Variants in MCTP1 observed in about 807,000 individuals in gnomAD.
MCTP1 encodes multiple C2 and transmembrane domain containing 1, also known as multiple C2 and transmembrane domain-containing protein 1.
A neutral mutation model predicts 120.6 loss-of-function variants in MCTP1; 69 were observed. The observed-to-expected ratio is 0.57, with a 90% CI of 0.47 to 0.70. The LOEUF (loss-of-function observed/expected upper bound fraction) is 0.70, where lower values mean the gene tolerates loss of function less well. Ranked by LOEUF, MCTP1 falls within the 30% of genes least tolerant of loss-of-function variation. The pLI is 0.00. For synonymous variants in MCTP1, 529 were observed against 493.1 expected (o/e 1.07, Z -0.96); for missense variants, 1,203 against 1,248.8 (o/e 0.96, Z 0.55).
chr5:94,808,254 A>G (rs2153054395), intron 17 of MCTP1, among the ~76,000 whole-genome samples: 1 of 152,170 alleles, frequency 6.6e-6, no homozygotes, highest in East Asian at 1.9e-4. Context: ...TTTTTGTACC[A>G]CCTCCATTCA....
Position 94,894,835 on chromosome 5 carries a change from C to T in MCTP1, c.1653G>A (p.Arg551=). Reference sequence around the variant, plus strand: ...TGAGGGCTGACAGGTCGACCTGGCACCTAGAGACAAATGTTTTGAATCAGC... The same window carrying T: ...TGAGGGCTGACAGGTCGACCTGGCATCTAGAGACAAATGTTTTGAATCAGC... The part of the protein sequence containing the change: ...DAGKRDDFIG[R]CQVDLSALSR... Residue 551 remains arginine, a splice_region_variant and synonymous_variant, in exon 11 of 23, where the codon AGG becomes AGA. Transcript: ENST00000515393. 1 of 1,540,902 alleles carries T rather than the reference C, an allele frequency of 6.5e-7. No homozygotes were observed. Among genetic ancestry groups the T allele is most frequent in the South Asian group, 1.2e-5 (1 of 81,466 alleles).
At chr5:95,272,558 T>G (rs979954493) in intron 1 of MCTP1, among the ~76,000 whole-genome samples, 3 of 152,216 alleles carry the variant, frequency 2.0e-5, no homozygotes, top group Non-Finnish European at 4.4e-5. Context: ...TCCTGGCAAA[T>G]GCTCAGCAGG....
At chr5:95,127,214 G>T (rs1188785952) in intron 1 of MCTP1, among the ~76,000 whole-genome samples, 1 of 151,490 alleles carries the variant, frequency 6.6e-6, no homozygotes, top group Non-Finnish European at 1.5e-5. Flanking sequence ...CTAAAAAGTG[G>T]TTTTTCCCAT....
intron 7 of MCTP1, among the ~76,000 whole-genome samples, chr5:94,919,196 C>T (rs1470001610): frequency 6.6e-6 from 1 of 152,086 alleles, no homozygotes; most frequent in African/African-American, 2.4e-5. Flanking sequence ...TCACTTTACT[C>T]TATAATAAAT....
At chr5:95,026,274 C>T (rs1273880593) in intron 1 of MCTP1, among the ~76,000 whole-genome samples, 1 of 152,102 alleles carries the variant, frequency 6.6e-6, no homozygotes, top group Admixed American at 6.6e-5. Flanking sequence ...TCACCTCAAG[C>T]ATTTACCCTT....
intron 12 of MCTP1, among the ~76,000 whole-genome samples, chr5:94,875,946 C>T (rs143317238): frequency 6.6e-6 from 1 of 152,172 alleles, no homozygotes; most frequent in Non-Finnish European, 1.5e-5. Context: ...GGTCTTTCCA[C>T]ACTATGTTAT....
intron 1 of MCTP1, among the ~76,000 whole-genome samples, chr5:95,256,455 A>G (rs1287179380): frequency 6.6e-6 from 1 of 152,136 alleles, no homozygotes; most frequent in African/African-American, 2.4e-5. Flanking sequence ...GCTGGAAGGG[A>G]AAAGTCAGAG....
chr5:94,815,821 G>T (rs1345849282), intron 17 of MCTP1, among the ~76,000 whole-genome samples: 1 of 152,148 alleles, frequency 6.6e-6, no homozygotes, highest in East Asian at 1.9e-4. Flanking sequence ...TGGTCTCATT[G>T]TCAATTAGAG....
intron 1 of MCTP1, among the ~76,000 whole-genome samples, chr5:95,057,791 TC>T (rs1177161195): frequency 6.6e-6 from 1 of 152,126 alleles, no homozygotes; most frequent in Non-Finnish European, 1.5e-5. Context: ...TTCATGTATT[TC>T]CTCTTTTCAA....
intron 18 of MCTP1, among the ~76,000 whole-genome samples, chr5:94,795,861 G>A (rs1342170040): frequency 1.3e-5 from 2 of 152,152 alleles, no homozygotes; most frequent in Non-Finnish European, 1.5e-5. Context: ...TCCTTAACAG[G>A]TTCAGCTCAT....
In MCTP1 at chr5:94,940,264, C is replaced by T. The variant is rs940236800; in HGVS notation, c.1062-69G>A. The T allele has an allele frequency of 1.1e-4, 95 of 838,840 alleles. No homozygotes were observed. The African/African-American group carries it at 1.2e-3, about 11-fold the overall frequency. The allele number at this position is 838,840 out of a possible 1,614,324, so 52.0% of individuals were successfully genotyped here. ...TAAGCCAAATATATTTTTATTAATG[C>T]TTTATTATTTTAAGATAAAAAGTAA... On this transcript the variant is annotated intron_variant, in intron 4 of 22. Coordinates refer to ENST00000515393, the MANE Select transcript of MCTP1 (RefSeq NM_024717.7).
At chr5:95,241,572 A>T (rs1221144965) in intron 1 of MCTP1, among the ~76,000 whole-genome samples, 1 of 152,200 alleles carries the variant, frequency 6.6e-6, no homozygotes, top group African/African-American at 2.4e-5. Flanking sequence ...CTCAAAGACC[A>T]CATTATTCTT....
chr5:95,182,223 T>C (rs939425465), intron 1 of MCTP1, among the ~76,000 whole-genome samples: 4 of 152,146 alleles, frequency 2.6e-5, no homozygotes, highest in African/African-American at 9.7e-5. Context: ...AAGTCACGCT[T>C]GCTGAAAAAC....
At chr5:95,079,613 G>C (rs185107803) in intron 1 of MCTP1, among the ~76,000 whole-genome samples, 2 of 152,204 alleles carry the variant, frequency 1.3e-5, no homozygotes. Context: ...TTACAAAGCA[G>C]AGCTAGGATT....
At chr5:94,997,131 T>G (rs902545273) in intron 2 of MCTP1, among the ~76,000 whole-genome samples, 2 of 152,120 alleles carry the variant, frequency 1.3e-5, no homozygotes, top group African/African-American at 4.8e-5. Flanking sequence ...TCCATGTACT[T>G]CCTGCCCCCA....
At chr5:95,210,131 C>A (rs1340471214) in intron 1 of MCTP1, among the ~76,000 whole-genome samples, 1 of 152,046 alleles carries the variant, frequency 6.6e-6, no homozygotes, top group African/African-American at 2.4e-5. Flanking sequence ...TGGTGTGGTG[C>A]TGAAAAAAAT....
In MCTP1 at chr5:94,745,619, G is replaced by T. The variant is rs189742221; in HGVS notation, c.2611-30733C>A. 2.6e-5 allele frequency among the ~76,000 whole-genome samples: 4 copies of T among 152,190 alleles called. No homozygotes were observed. In the East Asian group the frequency reaches 7.7e-4, roughly 29 times the overall value. ...GGTATTCTTGCAGAGAAAAATTAAG[G>T]GAGGCATCATTATATTTATTTCTAG... On this transcript the variant is annotated intron_variant, in intron 19 of 22. Transcript: ENST00000515393.
intron 1 of MCTP1, among the ~76,000 whole-genome samples, chr5:95,106,446 G>A (rs1040716844): frequency 6.6e-6 from 1 of 152,218 alleles, no homozygotes; most frequent in Non-Finnish European, 1.5e-5. Context: ...GAAGTACAAT[G>A]TTCTGATGAC....
At chr5:95,053,545 G>A (rs957487301) in intron 1 of MCTP1, among the ~76,000 whole-genome samples, 1 of 152,150 alleles carries the variant, frequency 6.6e-6, no homozygotes, top group Non-Finnish European at 1.5e-5. Context: ...GAGAGACCAC[G>A]ATTGCAGGCT....
Sources: gnomAD v4.1 joint callset for allele counts (sites outside exome capture counted in the v4.1 genomes callset) on GRCh38, gnomAD v4.1.1 for gene constraint, MANE v1.5 for transcripts, NCBI Gene and HGNC (gene_info 2026-07-23, HGNC 2026-07-21) for gene names.